TAF1D: variants seen among roughly 807,000 people sequenced by gnomAD.
TAF1D encodes TATA box-binding protein-associated factor RNA polymerase I subunit D.
Under a neutral mutation model 26.2 loss-of-function variants are expected in TAF1D, and 23 were observed. The ratio of observed to expected loss-of-function variants is 0.88; its 90% confidence interval spans 0.63 to 1.25. TAF1D has a LOEUF of 1.25. TAF1D is among the 50% of genes most tolerant of loss of function. TAF1D has a pLI of 0.00. For synonymous variants in TAF1D, 100 were observed against 105.6 expected, an observed-to-expected ratio of 0.95 and a Z score of 0.33; for missense variants, 299 against 322.0, an observed-to-expected ratio of 0.93 and a Z score of 0.55.
downstream of TAF1D, chr11:93,734,094 G>T (rs944076825): frequency 6.5e-6 from 1 of 152,892 alleles, no homozygotes; most frequent in Admixed American, 6.5e-5. Context: ...CTTCAGTATT[G>T]CAACAGAGGA....
At chr11:93,731,503 G>GATGT, downstream of TAF1D, 1 of 518,640 alleles carries the variant, frequency 1.9e-6, no homozygotes, top group Non-Finnish European at 3.8e-6. Context: ...AATGTAAATG[G>GATGT]ATGTTCAGAA....
downstream of TAF1D, chr11:93,732,110 GT>G (rs781166925): frequency 8.3e-5 from 43 of 518,802 alleles, no homozygotes; most frequent in Admixed American, 1.4e-4. Context: ...ATGATCAACA[GT>G]GCCCATTCTC....
At position 93,737,056 on chromosome 11, in the gene TAF1D, C is replaced by T. The variant is rs750436674; in HGVS notation, c.635+8G>A. On this transcript the variant is annotated splice_region_variant and intron_variant, in intron 4 of 5. Coordinates refer to ENST00000448108, the MANE Select transcript of TAF1D (RefSeq NM_024116.4). Reference sequence around the variant, plus strand: ...TATTACCAAAGTATTTCATATGATTCCACTTACGTTGACTCCTCAATAGGA... The same window carrying T: ...TATTACCAAAGTATTTCATATGATTTCACTTACGTTGACTCCTCAATAGGA... 5.1e-6 allele frequency: 8 copies of T among 1,567,370 alleles called. No individual in the cohort carries two copies. In the East Asian group the frequency reaches 1.8e-4, roughly 36 times the overall value.
chr11:93,730,521 C>A (rs772206300), exon 12 of TAF1D: 2 of 699,826 alleles, frequency 2.9e-6, no homozygotes, highest in South Asian at 2.7e-5. Context: ...CGTTTTATAT[C>A]TCCTCAGGAA....
Position 93,738,428 on chromosome 11 carries a change from T to C in TAF1D, c.140A>G (p.Asn47Ser). 6.2e-7 allele frequency: 1 copy of C among 1,612,500 alleles called. No individual in the cohort carries two copies. Among genetic ancestry groups the C allele is most frequent in the Non-Finnish European group, 8.5e-7 (1 of 1,179,664 alleles). Reference protein sequence around the residue: ...IPYSPKGEKRNPIRKFVRTPE... With the variant: ...IPYSPKGEKRSPIRKFVRTPE... ...TGTACGAACAAATTTTCGAATGGGG[T>C]TTCTTTTCTCCCCTTTAGGTGAGTA... is the stretch of plus-strand genomic sequence containing the variant. Residue 47 changes from asparagine (N) to serine (S), a missense_variant, in exon 3 of 6, where the codon AAC (asparagine) becomes AGC (serine). Transcript: ENST00000448108.
exon 12 of TAF1D, chr11:93,730,281 T>C: frequency 5.2e-6 from 8 of 1,527,642 alleles, no homozygotes; most frequent in African/African-American, 1.4e-5. Flanking sequence ...TTTCTAGAAA[T>C]AGTGTAAAGG....
Position 93,737,996 on chromosome 11 carries a change from C to T in TAF1D, c.459+113G>A, listed in dbSNP as rs547135399. 8 of 1,287,666 alleles carry T rather than the reference C, an allele frequency of 6.2e-6. No homozygotes were observed. In the South Asian group the frequency reaches 1.3e-4, roughly 21 times the overall value. 79.8% of individuals were successfully genotyped at this position (1,287,666 alleles called of 1,614,324 possible). Reference sequence around the variant, plus strand: ...GGGGTAAGTCAGTATAGAAGAGTATCAAAATTGCAGACAGTCTGTTCCCAG... The same window carrying T: ...GGGGTAAGTCAGTATAGAAGAGTATTAAAATTGCAGACAGTCTGTTCCCAG... On this transcript the variant is annotated intron_variant, in intron 3 of 5. Transcript: ENST00000448108.
intron 2 of TAF1D, chr11:93,739,017 C>T (rs1221514823): frequency 1.9e-6 from 1 of 539,462 alleles, no homozygotes; most frequent in South Asian, 2.5e-5. Context: ...CCAAAGAATA[C>T]ATTTTTTCTC....
Position 93,737,215 on chromosome 11 carries a change from TAA to T in TAF1D, c.482_483del (p.Phe161Ter). On this transcript the variant is annotated frameshift_variant, in exon 4 of 6. Coordinates refer to ENST00000448108, the MANE Select transcript of TAF1D (RefSeq NM_024116.4). LOFTEE classifies it high-confidence loss of function. ...TCATACTTCAGTTTTTCAATATAGTTAAAAAATCCTCTTGCAACAGCTTGCTA... is the reference window on the plus strand; with the variant it reads ...TCATACTTCAGTTTTTCAATATAGTTAAAATCCTCTTGCAACAGCTTGCTA... Reference protein sequence around the residue: ...TFEQAVARGFFNYIEKLKYEH... With the variant: ...TFEQAVARGFXNYIEKLKYEH... The T allele has an allele frequency of 6.2e-7, 1 of 1,603,072 alleles. No homozygotes were observed. Among genetic ancestry groups the T allele is most frequent in the Non-Finnish European group, 8.5e-7 (1 of 1,175,984 alleles).
intron 1 of TAF1D, among the ~76,000 whole-genome samples, chr11:93,740,484 T>C (rs1378042431): frequency 7.3e-6 from 1 of 136,688 alleles, no homozygotes; most frequent in Non-Finnish European, 1.6e-5. Flanking sequence ...CAACAAAAAT[T>C]AAAGATAACT....
downstream of TAF1D, chr11:93,735,109 A>AT (rs773978684): frequency 4.5e-6 from 6 of 1,340,114 alleles, no homozygotes; most frequent in African/African-American, 5.9e-5. Context: ...CTCAGGTATC[A>AT]TAATATCCCT....
chr11:93,736,886 G>A, intron 4 of TAF1D, 135 bp from the exon 5 acceptor site: 1 of 1,146,724 alleles, frequency 8.7e-7, no homozygotes. Flanking sequence ...TTGTGTTCTG[G>A]AGAATTCTAG....
Position 93,739,961 on chromosome 11 carries a change from CAAA to C in TAF1D, c.-27-633_-27-631del, listed in dbSNP as rs67574108. Among the ~76,000 whole-genome samples the C allele has an allele frequency of 8.9e-4, 73 of 82,412 alleles. 1 individual carries two copies. The highest frequency in any genetic ancestry group is 6.5e-3 in the South Asian group (12 of 1,848). 54.1% of individuals were successfully genotyped at this position (82,412 alleles called of 152,430 possible). A position where few individuals can be genotyped will look rare whatever the true frequency, so the allele number is the denominator to read the frequency against. Reference sequence around the variant, plus strand: ...CCATGGTAGAGAGTATACAACATACCAAAAAAAAAAAAAAAAAAAAAGAAAAAG... The same window carrying C: ...CCATGGTAGAGAGTATACAACATACCAAAAAAAAAAAAAAAAAAGAAAAAG... On this transcript the variant is annotated intron_variant, in intron 1 of 5. Coordinates refer to ENST00000448108, the MANE Select transcript of TAF1D (RefSeq NM_024116.4).
chr11:93,738,911 G>A (rs1941275467), intron 2 of TAF1D: 1 of 355,848 alleles, frequency 2.8e-6, no homozygotes. Flanking sequence ...AGCTCCAAAA[G>A]GCTGTATGGT....
chr11:93,732,446 C>T (rs941557177), downstream of TAF1D: 3 of 518,864 alleles, frequency 5.8e-6, no homozygotes, highest in Non-Finnish European at 1.2e-5. Context: ...ATAGCACTGA[C>T]CTTTGAACAC....
chr11:93,733,279 C>CAACT (rs1172324468), downstream of TAF1D: 1 of 519,038 alleles, frequency 1.9e-6, no homozygotes, highest in Non-Finnish European at 3.8e-6. Flanking sequence ...AGCAGTTGAA[C>CAACT]AGTTAAATTC....
chr11:93,734,572 ACT>A, downstream of TAF1D: 2 of 485,564 alleles, frequency 4.1e-6, no homozygotes, highest in Non-Finnish European at 7.8e-6. Context: ...CTGACAACAT[ACT>A]GTTTCCTACA....
chr11:93,739,183 T>A lies in TAF1D; in HGVS notation c.68+54A>T, dbSNP rs200115689. On this transcript the variant is annotated intron_variant, in intron 2 of 5. Coordinates refer to ENST00000448108, the MANE Select transcript of TAF1D (RefSeq NM_024116.4). ...AAATTATCTTTACTGTCACTCATTA[T>A]ATACAATAGTTTCTCATAATTCAGA... is the stretch of plus-strand genomic sequence containing the variant. The A allele has an allele frequency of 3.5e-5, 48 of 1,378,106 alleles. No homozygotes were observed. The East Asian group carries it at 7.8e-4, about 23-fold the overall frequency. 85.4% of individuals were successfully genotyped at this position (1,378,106 alleles called of 1,614,324 possible).
In TAF1D at chr11:93,738,155, G is replaced by C; in HGVS notation, c.413C>G (p.Ser138Ter). The C allele has an allele frequency of 6.4e-7, 1 of 1,567,492 alleles. No homozygotes were observed. The highest frequency in any genetic ancestry group is 2.3e-5 in the East Asian group (1 of 44,102). ...CCAAGGTGCGTTTTTTTCATTCTCT[G>C]ATTCTAAAAATGGGAAGCCAGATCC... Reference protein sequence around the residue: ...SRGSGFPFLESENEKNAPWRK... With the variant: ...SRGSGFPFLE The change falls in exon 3 of 6, where the codon TCA becomes TGA. Residue 138 changes from serine (S) to a stop codon, truncating the protein, a stop_gained. Coordinates refer to ENST00000448108, the MANE Select transcript of TAF1D (RefSeq NM_024116.4). LOFTEE classifies it high-confidence loss of function.
Sources: allele counts gnomAD v4.1 joint callset (sites outside exome capture counted in the v4.1 genomes callset), GRCh38; gene constraint gnomAD v4.1.1; transcripts MANE v1.5; gene names NCBI Gene and HGNC (gene_info 2026-07-23, HGNC 2026-07-21).